The following RADIL variants were observed in gnomAD, a reference collection of about 807,000 sequenced individuals.
RADIL encodes ras-associating and dilute domain-containing protein.
In RADIL, 99 loss-of-function variants were observed where a neutral mutation model predicts 97.6. The ratio of observed to expected loss-of-function variants is 1.01; its 90% confidence interval spans 0.86 to 1.20. The LOEUF (loss-of-function observed/expected upper bound fraction) is 1.20, where lower values mean the gene tolerates loss of function less well. RADIL is among the 50% of genes most tolerant of loss of function. RADIL has a pLI of 0.00. For synonymous variants in RADIL, 803 were observed against 691.8 expected, an observed-to-expected ratio of 1.16 and a Z score of -2.52; for missense variants, 1,765 against 1,498.9, an observed-to-expected ratio of 1.18 and a Z score of -2.93.
intron 12 of RADIL, among the ~76,000 whole-genome samples, chr7:4,800,668 G>A (rs760379507): frequency 6.6e-6 from 1 of 152,114 alleles, no homozygotes. Flanking sequence ...CCCAGATGTG[G>A]CCATGTGCAC....
chr7:4,881,081 T>A (rs1212206834), intron 1 of RADIL, among the ~76,000 whole-genome samples: 1 of 86,490 alleles, frequency 1.2e-5, no homozygotes, highest in Non-Finnish European at 2.1e-5. Context: ...GCCTGGGCAA[T>A]GGAGTGAGAC....
chr7:4,806,348 G>A (rs1184683869), intron 9 of RADIL, among the ~76,000 whole-genome samples: 4 of 151,276 alleles, frequency 2.6e-5, no homozygotes, highest in African/African-American at 9.8e-5. Context: ...TTTTTGTAGA[G>A]ATGGAGTTCT....
chr7:4,874,730 C>G (rs1235437588), intron 2 of RADIL, among the ~76,000 whole-genome samples: 2 of 152,148 alleles, frequency 1.3e-5, no homozygotes, highest in Non-Finnish European at 2.9e-5. Context: ...TTTCGCTCGC[C>G]CTGAATAATT....
intron 2 of RADIL, among the ~76,000 whole-genome samples, chr7:4,868,519 A>G (rs1192753851): frequency 6.6e-6 from 1 of 152,214 alleles, no homozygotes; most frequent in East Asian, 1.9e-4. Context: ...GTGGGTGGCA[A>G]CGGCATCAGT....
rs1583262338 is a variant in RADIL at position 4,805,357 on chromosome 7, G to C, written c.2290+209C>G. On this transcript the variant is annotated intron_variant, in intron 10 of 14. Transcript: ENST00000399583. Reference sequence around the variant, plus strand: ...CTTGGGCATGGACTCTCGGCTCCTTGACTCCCCCGCCGAGGAGGTCCCCGG... The same window carrying C: ...CTTGGGCATGGACTCTCGGCTCCTTCACTCCCCCGCCGAGGAGGTCCCCGG... 7 of 516,584 alleles carry C rather than the reference G, an allele frequency of 1.4e-5. No homozygotes were observed. The South Asian group carries it at 4.3e-4, about 32-fold the overall frequency. 32.0% of individuals were successfully genotyped at this position (516,584 alleles called of 1,614,324 possible). A position where few individuals can be genotyped will look rare whatever the true frequency, so the allele number is the denominator to read the frequency against.
In RADIL at chr7:4,879,344, C is replaced by T. The variant is rs1784438357; in HGVS notation, c.-64-1141G>A. The stretch of plus-strand genomic sequence containing the variant: ...CAGAACCTCTGTGGGGGCAGGAGGG[C>T]AGAGAAAAAGGAAGGCAGGTCTCCG... On this transcript the variant is annotated intron_variant, in intron 1 of 14. Coordinates refer to ENST00000399583, the MANE Select transcript of RADIL (RefSeq NM_018059.5). The surrounding 1 kb of genome is among the most constrained non-coding windows in gnomAD (Gnocchi z 4.1). 6.6e-6 allele frequency among the ~76,000 whole-genome samples: 1 copy of T among 152,176 alleles called. No individual in the cohort carries two copies. Among genetic ancestry groups the T allele is most frequent in the Non-Finnish European group, 1.5e-5 (1 of 68,030 alleles).
intron 2 of RADIL, chr7:4,860,134 G>A (rs1484866476): frequency 6.2e-7 from 1 of 1,613,970 alleles, no homozygotes. Context: ...TTACAGCCAA[G>A]GCAGGACTGT....
At chr7:4,869,935 A>C (rs1272723512) in intron 2 of RADIL, among the ~76,000 whole-genome samples, 1 of 152,206 alleles carries the variant, frequency 6.6e-6, no homozygotes, top group Non-Finnish European at 1.5e-5. Flanking sequence ...GTTCAAGACC[A>C]TGCTGGGCAA....
intron 2 of RADIL, among the ~76,000 whole-genome samples, chr7:4,871,433 C>A (rs868814820): frequency 1.5e-4 from 23 of 152,234 alleles, no homozygotes; most frequent in South Asian, 1.4e-3. Flanking sequence ...CCCGCACACC[C>A]CTGGCTGTCA....
rs771704891 is a variant in RADIL, at chr7:4,879,582, G to C, written c.-64-1379C>G. Among the ~76,000 whole-genome samples, 3 of 152,116 alleles carry C rather than the reference G, an allele frequency of 2.0e-5. No homozygotes were observed. Among genetic ancestry groups the C allele is most frequent in the Non-Finnish European group, 4.4e-5 (3 of 68,022 alleles). ...CACAGCACGGGTCGCCTGCCACTGC[G>C]ACCGGGGTCAGTACTAAACACCGCA... On this transcript the variant is annotated intron_variant, in intron 1 of 14. Transcript: ENST00000399583. This position sits in a 1 kb window ranked among gnomAD's most constrained non-coding sequence, Gnocchi z 4.1.
intron 2 of RADIL, among the ~76,000 whole-genome samples, chr7:4,871,393 C>T (rs1401997731): frequency 6.6e-6 from 1 of 152,256 alleles, no homozygotes; most frequent in Non-Finnish European, 1.5e-5. Flanking sequence ...GGCAGCGGCG[C>T]TTCCCGCGTG....
Position 4,854,176 on chromosome 7 carries a change from T to C in RADIL, c.536-17571A>G, listed in dbSNP as rs985918483. Among the ~76,000 whole-genome samples, 1 of 152,058 alleles carries C rather than the reference T, an allele frequency of 6.6e-6. No homozygotes were observed. Among genetic ancestry groups the C allele is most frequent in the Non-Finnish European group, 1.5e-5 (1 of 67,994 alleles). ...TGAAGATAGAAGGCATGAACTAGAA[T>C]GATGGGGCCGAAAGTAGAAAAAGCC... On this transcript the variant is annotated intron_variant, in intron 2 of 14. Transcript: ENST00000399583. The surrounding 1 kb of genome is among the most constrained non-coding windows in gnomAD (Gnocchi z 5.1).
At position 4,801,899 on chromosome 7, in the gene RADIL, C is replaced by G. The variant is rs963328209; in HGVS notation, c.2596G>C (p.Glu866Gln). 95 of 1,574,508 alleles carry G rather than the reference C, an allele frequency of 6.0e-5. No individual in the cohort carries two copies. Among genetic ancestry groups the G allele is most frequent in the Non-Finnish European group, 7.9e-5 (92 of 1,161,032 alleles). ...GCCCCCCTCAAGGGAAGAGTACGCTCCGGGGCCACTTCCCGGGCTGCTGGG... is the reference window on the plus strand; with the variant it reads ...GCCCCCCTCAAGGGAAGAGTACGCTGCGGGGCCACTTCCCGGGCTGCTGGG... ...PGPAAREVAP[E>Q]RTLPLRGAPW... The change falls in exon 12 of 15, where the codon GAG (glutamate) becomes CAG (glutamine). Residue 866 changes from glutamate (E) to glutamine (Q), a missense_variant. Physicochemically the swap from Glu to Gln is conservative, Grantham distance 29 (BLOSUM62 2). Transcript: ENST00000399583.
Position 4,846,602 on chromosome 7 carries a change from G to T in RADIL, c.536-9997C>A, listed in dbSNP as rs184802704. Among the ~76,000 whole-genome samples the T allele has an allele frequency of 2.3e-3, 331 of 146,326 alleles. 1 individual carries two copies. The highest frequency in any genetic ancestry group is 7.9e-3 in the African/African-American group (308 of 39,188). ...CTCTTGTTGCCCAGGCTGGAGTGCA[G>T]TGGTGCTGTCTCAGCTCACTGCAAC... On this transcript the variant is annotated intron_variant, in intron 2 of 14. Coordinates refer to ENST00000399583, the MANE Select transcript of RADIL (RefSeq NM_018059.5).
chr7:4,871,019 G>C (rs10270227), intron 2 of RADIL, among the ~76,000 whole-genome samples: 71,720 of 152,098 alleles, frequency 0.47, 19,703 homozygotes, highest in African/African-American at 0.76. Flanking sequence ...AACCATTCAA[G>C]TTTATTTTCT....
In RADIL at chr7:4,822,309, A is replaced by G; in HGVS notation, c.1615+85T>C. 7.0e-7 allele frequency: 1 copy of G among 1,437,896 alleles called. No individual in the cohort carries two copies. Among genetic ancestry groups the G allele is most frequent in the South Asian group, 1.4e-5 (1 of 71,842 alleles). The allele number at this position is 1,437,896 out of a possible 1,614,324, so 89.1% of individuals were successfully genotyped here. ...GAATCCACCCCTGCTATCATGGCCA[A>G]CTAGGTTCCGAGGACGGCGAGGAGA... On this transcript the variant is annotated intron_variant, in intron 6 of 14. Coordinates refer to ENST00000399583, the MANE Select transcript of RADIL (RefSeq NM_018059.5). The surrounding 1 kb of genome is among the most constrained non-coding windows in gnomAD (Gnocchi z 5.3).
At chr7:4,836,253 C>T (rs1442871638) in intron 3 of RADIL, 105 bp downstream of exon 3, 3 of 1,489,562 alleles carry the variant, frequency 2.0e-6, no homozygotes, top group Non-Finnish European at 2.7e-6. Context: ...AGCCACAGAG[C>T]TCGCGGCCGA....
At chr7:4,829,311 G>T (rs1201640333) in intron 5 of RADIL, among the ~76,000 whole-genome samples, 2 of 152,188 alleles carry the variant, frequency 1.3e-5, no homozygotes, top group East Asian at 1.9e-4. Context: ...CAGAGGCCAG[G>T]ACCCACCCCC....
rs1310168796 is a variant in RADIL, at chr7:4,844,608, TTTG to T, written c.536-8006_536-8004del. On this transcript the variant is annotated intron_variant, in intron 2 of 14. Transcript: ENST00000399583. ...GGTGAATAAGCAAAATTCAGGCTGT[TTTG>T]TTTTGTTTTTGAGAGAGGGTCTTGC... Among the ~76,000 whole-genome samples, 3 of 152,044 alleles carry T rather than the reference TTTG, an allele frequency of 2.0e-5. No individual in the cohort carries two copies. In the East Asian group the frequency reaches 5.8e-4, roughly 29 times the overall value.
Sources: allele counts gnomAD v4.1 joint callset (sites outside exome capture counted in the v4.1 genomes callset), GRCh38; gene constraint gnomAD v4.1.1; non-coding constraint Gnocchi (gnomAD v3.1); transcripts MANE v1.5; gene names NCBI Gene and HGNC (gene_info 2026-07-23, HGNC 2026-07-21).